The following SOS1 variants were observed in gnomAD, a reference collection of about 807,000 sequenced individuals.
SOS1 encodes SOS Ras/Rac guanine nucleotide exchange factor 1, also known as son of sevenless homolog 1.
In SOS1, 25 loss-of-function variants were observed where a neutral mutation model predicts 157.6. The ratio of observed to expected loss-of-function variants is 0.16; its 90% CI spans 0.12 to 0.22. The LOEUF is 0.22. SOS1 is among the 10% of genes least tolerant of loss of function. The pLI is 1.00. For missense variants in SOS1, 1,237 were observed against 1,599.1 expected (o/e 0.77, Z 3.86); for synonymous variants, 528 against 534.0 (o/e 0.99, Z 0.16).
intron 1 of SOS1, among the ~76,000 whole-genome samples, chr2:39,070,297 A>C (rs1379430531): frequency 2.0e-5 from 3 of 152,170 alleles, no homozygotes; most frequent in African/African-American, 4.8e-5. Context: ...TGCTACCACC[A>C]CATGGTAGGC....
chr2:39,021,955 G>A (rs1283440770), intron 10 of SOS1, among the ~76,000 whole-genome samples: 1 of 151,608 alleles, frequency 6.6e-6, no homozygotes, highest in African/African-American at 2.4e-5. Context: ...TAACCTATTT[G>A]TTTTTCATGT....
At chr2:39,081,480 A>T (rs1360628031) in intron 1 of SOS1, among the ~76,000 whole-genome samples, 2 of 150,392 alleles carry the variant, frequency 1.3e-5, no homozygotes, top group Non-Finnish European at 3.0e-5. Context: ...AGATCGCGCC[A>T]CTGCATTCTA....
intron 3 of SOS1, 111 bp from the exon 4 acceptor site, chr2:39,056,977 C>T (rs1053054710): frequency 2.7e-6 from 2 of 751,726 alleles, no homozygotes; most frequent in Non-Finnish European, 2.3e-6. Flanking sequence ...TTTCCTGAGG[C>T]CTGTGCTTAC....
At chr2:39,045,273 A>AGAGAGAGAGAGTGTGT (rs138343013) in intron 6 of SOS1, among the ~76,000 whole-genome samples, 5 of 108,090 alleles carry the variant, frequency 4.6e-5, no homozygotes, top group African/African-American at 1.4e-4. Context: ...AGAGAGAGAG[A>AGAGAGAGAGAGTGTGT]GTGTGTGTGT....
intron 1 of SOS1, among the ~76,000 whole-genome samples, chr2:39,070,480 C>G (rs1374353466): frequency 6.6e-6 from 1 of 152,108 alleles, no homozygotes; most frequent in Non-Finnish European, 1.5e-5. Flanking sequence ...ATGTTCACTC[C>G]CTTCTCTTCT....
intron 8 of SOS1, among the ~76,000 whole-genome samples, chr2:39,027,367 A>T (rs1669999442): frequency 6.6e-6 from 1 of 152,224 alleles, no homozygotes; most frequent in South Asian, 2.1e-4. Flanking sequence ...CCACAAACCC[A>T]AAGTACATTT....
At chr2:39,068,725 A>G (rs1184787654) in intron 1 of SOS1, among the ~76,000 whole-genome samples, 1 of 152,016 alleles carries the variant, frequency 6.6e-6, no homozygotes, top group East Asian at 1.9e-4. Context: ...GTTTTACTTA[A>G]GAGTCCACAC....
intron 1 of SOS1, among the ~76,000 whole-genome samples, chr2:39,092,461 T>C (rs1369577410): frequency 6.6e-6 from 1 of 152,232 alleles, no homozygotes; most frequent in African/African-American, 2.4e-5. Context: ...ACCATTATTT[T>C]TAAGAGTATC....
At chr2:39,100,053 A>G (rs903421975) in intron 1 of SOS1, among the ~76,000 whole-genome samples, 1 of 152,158 alleles carries the variant, frequency 6.6e-6, no homozygotes, top group Non-Finnish European at 1.5e-5. Context: ...TACTAATGAC[A>G]AACAGGTATA....
chr2:39,116,250 C>T (rs1249336310), intron 1 of SOS1, among the ~76,000 whole-genome samples: 1 of 152,194 alleles, frequency 6.6e-6, no homozygotes, highest in African/African-American at 2.4e-5. Flanking sequence ...ATCCTAAGAG[C>T]TTCTCCTACA....
At position 38,987,535 on chromosome 2, in the gene SOS1, G is replaced by C; in HGVS notation, c.3448C>G (p.Pro1150Ala). 1 of 1,606,324 alleles carries C rather than the reference G, an allele frequency of 6.2e-7. No homozygotes were observed. Reference protein sequence around the residue: ...LTKGTDEVPVPPPVPPRRRPE... With the variant: ...LTKGTDEVPVAPPVPPRRRPE... ...CGTCTTCGTGGAGGAACAGGAGGAG[G>C]GACAGGCACTTCATCAGTGCCTTTG... Residue 1150 changes from proline (P) to alanine (A), a missense_variant, in exon 22 of 23, where the codon CCT (proline) becomes GCT (alanine). Coordinates refer to ENST00000402219, the MANE Select transcript of SOS1 (RefSeq NM_005633.4).
At chr2:39,011,395 G>A (rs1669466478) in intron 14 of SOS1, among the ~76,000 whole-genome samples, 4 of 151,800 alleles carry the variant, frequency 2.6e-5, no homozygotes, top group Admixed American at 2.6e-4. Context: ...TTCAAAGAGG[G>A]TACAGTAATC....
chr2:39,089,513 G>C (rs1268207412), intron 1 of SOS1, among the ~76,000 whole-genome samples: 6 of 87,316 alleles, frequency 6.9e-5, no homozygotes, highest in Non-Finnish European at 1.3e-4. Flanking sequence ...TAGGCAACAA[G>C]AACAAGACTC....
In SOS1 at chr2:39,054,747, G is replaced by A. The variant is rs199898869; in HGVS notation, c.587C>T (p.Ser196Leu). The change falls in exon 5 of 23, where the codon TCA (serine) becomes TTA (leucine). Residue 196 changes from serine to leucine, a missense_variant. Transcript: ENST00000402219. ...LSLTDEEPSTSGEQTYYDLVK... is the reference protein window; with the variant it reads ...LSLTDEEPSTLGEQTYYDLVK... ...CAAATCATAGTAAGTTTGTTCTCCTGAGGTGGAAGGCTCTTCGTCAGTTAA... is the reference window on the plus strand; with the variant it reads ...CAAATCATAGTAAGTTTGTTCTCCTAAGGTGGAAGGCTCTTCGTCAGTTAA... The A allele has an allele frequency of 1.7e-5, 27 of 1,593,822 alleles. No homozygotes were observed. In the East Asian group the frequency reaches 5.8e-4, roughly 34 times the overall value.
chr2:39,005,560 A>G (rs79514334), intron 17 of SOS1, among the ~76,000 whole-genome samples: 3,468 of 152,238 alleles, frequency 0.023, 89 homozygotes, highest in African/African-American at 0.056. Context: ...TACAATTACA[A>G]TTATATACAA....
chr2:39,054,880 G>T, intron 4 of SOS1, 57 bp from the exon 5 acceptor site: 1 of 914,848 alleles, frequency 1.1e-6, no homozygotes, highest in Non-Finnish European at 1.8e-6. Flanking sequence ...CGTAGAATTT[G>T]ATGTGAAATG....
Position 38,983,579 on chromosome 2 carries a change from T to TAA in SOS1, c.*2244_*2245insTT, listed in dbSNP as rs55672510. 4 of 11,656 alleles carry TAA rather than the reference T, an allele frequency of 3.4e-4. No homozygotes were observed. The Non-Finnish European group carries it at 6.9e-3, about 20-fold the overall frequency. 0.7% of individuals were successfully genotyped at this position (11,656 alleles called of 1,614,324 possible). A position where few individuals can be genotyped will look rare whatever the true frequency, so the allele number is the denominator to read the frequency against. On this transcript the variant is annotated 3_prime_UTR_variant, in exon 23 of 23. Coordinates refer to ENST00000402219, the MANE Select transcript of SOS1 (RefSeq NM_005633.4). ...ATAGGTTGAAAAGGGGTTATCACCT[T>TAA]ATTGAAGGCTAACACATTAGCCGAA...
intron 1 of SOS1, among the ~76,000 whole-genome samples, chr2:39,112,788 C>G (rs1673487540): frequency 1.3e-5 from 2 of 152,196 alleles, no homozygotes; most frequent in Non-Finnish European, 2.9e-5. Flanking sequence ...CCTGTAATCT[C>G]AGCACTTCGG....
intron 5 of SOS1, among the ~76,000 whole-genome samples, chr2:39,053,778 C>A (rs2124601718): frequency 6.6e-6 from 1 of 152,216 alleles, no homozygotes; most frequent in East Asian, 1.9e-4. Flanking sequence ...GATCAGTAAT[C>A]CTTTGTCTAA....
Sources: allele counts gnomAD v4.1 joint callset (sites outside exome capture counted in the v4.1 genomes callset), GRCh38; gene constraint gnomAD v4.1.1; transcripts MANE v1.5; gene names NCBI Gene and HGNC (gene_info 2026-07-23, HGNC 2026-07-21).